FLI1: variants seen among roughly 807,000 people sequenced by gnomAD.
FLI1 encodes the protein Friend leukemia integration 1 transcription factor.
Under a neutral mutation model 53.1 loss-of-function variants are expected in FLI1, and 13 were observed. That is an observed-to-expected ratio of 0.24 (90% CI 0.16 to 0.39). FLI1 has a LOEUF of 0.39. FLI1 is among the 10% of genes least tolerant of loss of function. The pLI is 1.00. For missense variants in FLI1, 424 were observed against 600.5 expected, an observed-to-expected ratio of 0.71 and a Z score of 3.07; for synonymous variants, 244 against 236.7, an observed-to-expected ratio of 1.03 and a Z score of -0.28.
rs773148506 is a variant in FLI1 at position 128,810,599 on chromosome 11, C to A, written c.970C>A (p.Arg324=). ...TGAGGTGGCCAGGCGCTGGGGCGAG[C>A]GGAAAAGCAAGCCCAACATGAATTA... ...PDEVARRWGE[R]KSKPNMNYDK... is the part of the protein sequence containing the mutation. The change falls in exon 9 of 9, where the codon CGG becomes AGG. Residue 324 remains arginine, a synonymous_variant. Transcript: ENST00000527786. The surrounding 1 kb of genome is among the most constrained non-coding windows in gnomAD (Gnocchi z 6.6). 2 of 1,613,568 alleles carry A rather than the reference C, an allele frequency of 1.2e-6. No individual in the cohort carries two copies. Among genetic ancestry groups the A allele is most frequent in the African/African-American group, 2.7e-5 (2 of 74,914 alleles).
At chr11:128,791,603 G>T (rs1017565513) in intron 5 of FLI1, among the ~76,000 whole-genome samples, 5 of 152,218 alleles carry the variant, frequency 3.3e-5, no homozygotes, top group Non-Finnish European at 5.9e-5. Context: ...CTGTTCCCCA[G>T]CAGTCTGGTG....
At chr11:128,764,729 C>T (rs772414656) in intron 2 of FLI1, 153 of 1,569,302 alleles carry the variant, frequency 9.7e-5, no homozygotes, top group Non-Finnish European at 1.2e-4. Context: ...CCGTGGAGCC[C>T]CATGGCCGCA....
intron 5 of FLI1, among the ~76,000 whole-genome samples, chr11:128,792,243 A>G (rs1034809311): frequency 6.6e-6 from 1 of 152,104 alleles, no homozygotes; most frequent in African/African-American, 2.4e-5. Flanking sequence ...GGGCTCCAAA[A>G]TGACCCTTTC....
intron 1 of FLI1, among the ~76,000 whole-genome samples, chr11:128,750,301 C>G (rs1166797865): frequency 6.6e-6 from 1 of 152,168 alleles, no homozygotes; most frequent in Non-Finnish European, 1.5e-5. Flanking sequence ...TTAGGAGATT[C>G]AGGGCAGAAC....
At position 128,810,816 on chromosome 11, in the gene FLI1, A is replaced by C; in HGVS notation, c.1187A>C (p.Gln396Pro). 1 of 1,614,048 alleles carries C rather than the reference A, an allele frequency of 6.2e-7. No homozygotes were observed. The highest frequency in any genetic ancestry group is 8.5e-7 in the Non-Finnish European group (1 of 1,179,894). Residue 396 changes from glutamine to proline, a missense_variant, in exon 9 of 9, where the codon CAG (glutamine) becomes CCG (proline). Gln to Pro is a moderately conservative substitution (Grantham distance 76). Coordinates refer to ENST00000527786, the MANE Select transcript of FLI1 (RefSeq NM_002017.5). The surrounding 1 kb of genome is among the most constrained non-coding windows in gnomAD (Gnocchi z 6.6). The stretch of plus-strand genomic sequence containing the variant: ...ATGCCTTCCTACCATGCCCACCAGC[A>C]GAAGGTGAACTTTGTCCCTCCCCAT... ...SYMPSYHAHQ[Q>P]KVNFVPPHPS...
At chr11:128,701,339 A>G (rs1486525416) in intron 1 of FLI1, among the ~76,000 whole-genome samples, 10 of 148,996 alleles carry the variant, frequency 6.7e-5, no homozygotes, top group South Asian at 4.3e-4. Context: ...GAAAAAAAAA[A>G]GTCTCTCTAA....
At chr11:128,739,229 G>T (rs1940028974) in intron 1 of FLI1, among the ~76,000 whole-genome samples, 1 of 152,264 alleles carries the variant, frequency 6.6e-6, no homozygotes, top group East Asian at 1.9e-4. Context: ...CCATTCTTAG[G>T]AACGTGGTTC....
At chr11:128,736,371 G>A (rs912813605) in intron 1 of FLI1, among the ~76,000 whole-genome samples, 4 of 152,194 alleles carry the variant, frequency 2.6e-5, no homozygotes, top group Admixed American at 2.6e-4. Flanking sequence ...GGTAGCATGA[G>A]CCCTCTGGCT....
chr11:128,760,634 T>C (rs1025638056), intron 2 of FLI1, among the ~76,000 whole-genome samples: 7 of 151,468 alleles, frequency 4.6e-5, no homozygotes, highest in African/African-American at 1.7e-4. Context: ...TTCAAGCAAT[T>C]CTCTTGCCTC....
chr11:128,776,056 T>G (rs1941718092), intron 4 of FLI1, among the ~76,000 whole-genome samples: 1 of 152,260 alleles, frequency 6.6e-6, no homozygotes, highest in Non-Finnish European at 1.5e-5. Context: ...CAAATTTACA[T>G]TTCACAAAAG....
chr11:128,737,613 T>C (rs1444189942), intron 1 of FLI1, among the ~76,000 whole-genome samples: 1 of 152,236 alleles, frequency 6.6e-6, no homozygotes, highest in Non-Finnish European at 1.5e-5. Context: ...AAAATTTAAA[T>C]AGAGATCGAG....
intron 2 of FLI1, among the ~76,000 whole-genome samples, chr11:128,760,901 C>T (rs967114295): frequency 6.6e-6 from 1 of 152,160 alleles, no homozygotes; most frequent in African/African-American, 2.4e-5. Flanking sequence ...CTGGTGCAAG[C>T]CAGCAGCACC....
chr11:128,703,223 T>C (rs1164228884), intron 1 of FLI1, among the ~76,000 whole-genome samples: 1 of 152,262 alleles, frequency 6.6e-6, no homozygotes, highest in Admixed American at 6.5e-5. Flanking sequence ...CACTGTCTTA[T>C]CCTCTTGGTA....
At chr11:128,770,670 G>A (rs985239594) in intron 3 of FLI1, among the ~76,000 whole-genome samples, 1 of 152,158 alleles carries the variant, frequency 6.6e-6, no homozygotes, top group Non-Finnish European at 1.5e-5. Context: ...TAAAATATAT[G>A]GTGTAAAATT....
rs909841315 is a variant in FLI1 at position 128,709,738 on chromosome 11, G to C, written c.18+15462G>C. On this transcript the variant is annotated intron_variant, in intron 1 of 8. Transcript: ENST00000527786. ...CCTTGTGAATAGTTTTAAAACATCC[G>C]TCTGGCTGACCAAATACCTATGGCT... Among the ~76,000 whole-genome samples the C allele has an allele frequency of 1.3e-5, 2 of 152,174 alleles. 1 individual carries two copies. Among genetic ancestry groups the C allele is most frequent in the South Asian group, 4.1e-4 (2 of 4,834 alleles).
chr11:128,713,950 G>C (rs186688682), intron 1 of FLI1, among the ~76,000 whole-genome samples: 2 of 152,268 alleles, frequency 1.3e-5, no homozygotes, highest in Admixed American at 1.3e-4. Context: ...CATTTTCTTA[G>C]CCACTCTCTT....
Position 128,772,802 on chromosome 11 carries a change from G to C in FLI1, c.406G>C (p.Glu136Gln). ...TGCAGACCCCACACTGTGGACACAG[G>C]AGCATGTGAGGCAATGGCTGGAGTG... Reference protein sequence around the residue: ...VPADPTLWTQEHVRQWLEWAI... With the variant: ...VPADPTLWTQQHVRQWLEWAI... Residue 136 changes from glutamate to glutamine, a missense_variant, in exon 4 of 9, where the codon GAG becomes CAG. Around this residue, in one of 5 missense-constraint regions of FLI1, gnomAD observed 15 missense variants for 39.4 expected, o/e 0.38. Coordinates refer to ENST00000527786, the MANE Select transcript of FLI1 (RefSeq NM_002017.5). 1 of 1,614,034 alleles carries C rather than the reference G, an allele frequency of 6.2e-7. No individual in the cohort carries two copies.
rs767846870 is a variant in FLI1 at position 128,772,813 on chromosome 11, G to A, written c.417G>A (p.Arg139=). ...DPTLWTQEHV[R]QWLEWAIKEY... is the part of the protein sequence containing the mutation. ...CACTGTGGACACAGGAGCATGTGAG[G>A]CAATGGCTGGAGTGGGCCATAAAGG... Residue 139 remains arginine (R), a synonymous_variant, in exon 4 of 9, where the codon AGG becomes AGA. Coordinates refer to ENST00000527786, the MANE Select transcript of FLI1 (RefSeq NM_002017.5). 17 of 1,613,928 alleles carry A rather than the reference G, an allele frequency of 1.1e-5. No individual in the cohort carries two copies. The South Asian group carries it at 1.4e-4, about 14-fold the overall frequency.
At chr11:128,789,438 G>A (rs746929217) in intron 5 of FLI1, among the ~76,000 whole-genome samples, 45 of 152,328 alleles carry the variant, frequency 3.0e-4, no homozygotes, top group Non-Finnish European at 6.2e-4. Flanking sequence ...GCTGAAATAA[G>A]ACTGACCATG....
Sources: allele counts gnomAD v4.1 joint callset (sites outside exome capture counted in the v4.1 genomes callset), GRCh38; gene constraint gnomAD v4.1.1; regional missense constraint gnomAD v4.1.1; non-coding constraint Gnocchi (gnomAD v3.1); transcripts MANE v1.5; gene names NCBI Gene and HGNC (gene_info 2026-07-23, HGNC 2026-07-21).